Variants in RNLS observed in about 807,000 individuals in gnomAD.
The protein encoded by RNLS is renalase.
RNLS carries 39 observed loss-of-function variants against 39.8 expected under a neutral mutation model. That is an observed-to-expected ratio of 0.98 (90% CI 0.76 to 1.28). The LOEUF (loss-of-function observed/expected upper bound fraction) is 1.28. Ranked by LOEUF, RNLS falls within the 50% of genes most tolerant of loss-of-function variation. The pLI is 0.00. For missense variants in RNLS, 410 were observed against 413.3 expected (o/e 0.99, Z 0.07); for synonymous variants, 147 against 150.7 (o/e 0.98, Z 0.18).
chr10:88,448,402 C>G (rs1021143730), intron 4 of RNLS, among the ~76,000 whole-genome samples: 1 of 152,094 alleles, frequency 6.6e-6, no homozygotes, highest in Non-Finnish European at 1.5e-5. Context: ...TGAAAAAATG[C>G]TCATCATCAC....
chr10:88,206,108 C>T, the RNLS span, among the ~76,000 whole-genome samples: 1 of 152,176 alleles, frequency 6.6e-6, no homozygotes, highest in African/African-American at 2.4e-5. Context: ...GCAGTGGTTT[C>T]AGAGGTTTAG....
chr10:88,336,688 T>C (rs1019582279), intron 5 of RNLS, among the ~76,000 whole-genome samples: 2 of 152,196 alleles, frequency 1.3e-5, no homozygotes, highest in African/African-American at 2.4e-5. Flanking sequence ...AAGTAAATGA[T>C]AGCATTCACC....
At chr10:88,407,321 A>T (rs1381445673) in intron 4 of RNLS, among the ~76,000 whole-genome samples, 1 of 152,028 alleles carries the variant, frequency 6.6e-6, no homozygotes, top group African/African-American at 2.4e-5. Flanking sequence ...CTCATGAAAA[A>T]AATGCAACAT....
At chr10:88,497,816 GAC>G (rs1054075485) in intron 4 of RNLS, among the ~76,000 whole-genome samples, 4 of 151,876 alleles carry the variant, frequency 2.6e-5, no homozygotes, top group African/African-American at 4.8e-5. Context: ...AGGAGGAAGA[GAC>G]ACAACAACAC....
chr10:88,416,900 A>C (rs895626005), intron 4 of RNLS, among the ~76,000 whole-genome samples: 2 of 152,196 alleles, frequency 1.3e-5, no homozygotes, highest in African/African-American at 4.8e-5. Context: ...CTTCCCACTT[A>C]ACATCTGGAG....
At chr10:88,178,907 C>T in the RNLS span, among the ~76,000 whole-genome samples, 2 of 152,156 alleles carry the variant, frequency 1.3e-5, no homozygotes, top group Non-Finnish European at 2.9e-5. Context: ...AAAGCCACTA[C>T]TCTTCAAGGT....
chr10:88,304,584 AG>A (rs1213801193), intron 6 of RNLS, among the ~76,000 whole-genome samples: 1 of 152,246 alleles, frequency 6.6e-6, no homozygotes, highest in African/African-American at 2.4e-5. Flanking sequence ...AGTGGAGGAA[AG>A]AATCTCGGCG....
At chr10:88,289,564 A>G (rs1589465993) in intron 6 of RNLS, among the ~76,000 whole-genome samples, 1 of 152,110 alleles carries the variant, frequency 6.6e-6, no homozygotes, top group Non-Finnish European at 1.5e-5. Flanking sequence ...ATTACTTGCT[A>G]TTTTGCACTG....
the RNLS span, among the ~76,000 whole-genome samples, chr10:88,181,342 C>T: frequency 5.9e-5 from 9 of 152,198 alleles, no homozygotes; most frequent in South Asian, 4.1e-4. Context: ...CTACAACCTC[C>T]GCTATGGAAT....
At chr10:88,334,263 A>G (rs1367170843) in intron 5 of RNLS, among the ~76,000 whole-genome samples, 1 of 152,222 alleles carries the variant, frequency 6.6e-6, no homozygotes, top group Non-Finnish European at 1.5e-5. Context: ...AGTTTAAAAC[A>G]TATCTTATTT....
chr10:88,495,142 C>T (rs1033010742), intron 4 of RNLS, among the ~76,000 whole-genome samples: 1 of 152,138 alleles, frequency 6.6e-6, no homozygotes, highest in African/African-American at 2.4e-5. Context: ...ATATGTTAAA[C>T]ATCCCACTCT....
At chr10:88,503,670 ATGT>A (rs1325681588) in intron 4 of RNLS, among the ~76,000 whole-genome samples, 8 of 152,170 alleles carry the variant, frequency 5.3e-5, no homozygotes, top group Non-Finnish European at 1.0e-4. Context: ...CATAGAACAA[ATGT>A]TGTGAGCTTG....
chr10:88,203,372 A>ATATATATATATACACGTATGTG, the RNLS span, among the ~76,000 whole-genome samples: 2 of 1,652 alleles, frequency 1.2e-3, 1 homozygote, highest in African/African-American at 6.0e-3. Context: ...GTGTGTGTAT[A>ATATATATATATACACGTATGTG]TATATATATA....
At chr10:88,298,767 C>T (rs1267855514) in intron 6 of RNLS, among the ~76,000 whole-genome samples, 4 of 152,044 alleles carry the variant, frequency 2.6e-5, no homozygotes, top group Admixed American at 6.6e-5. Flanking sequence ...ACGTGTGAGT[C>T]CTCTAACTTT....
chr10:88,462,441 C>T (rs1210836110), intron 4 of RNLS, among the ~76,000 whole-genome samples: 3 of 151,984 alleles, frequency 2.0e-5, no homozygotes, highest in Admixed American at 6.6e-5. Flanking sequence ...ATCAACTCTT[C>T]TATGTTGATT....
the RNLS span, among the ~76,000 whole-genome samples, chr10:88,222,589 A>C: frequency 6.6e-6 from 1 of 152,124 alleles, no homozygotes; most frequent in African/African-American, 2.4e-5. Context: ...GACCTCCCGG[A>C]ATATTGCTTT....
the RNLS span, among the ~76,000 whole-genome samples, chr10:88,257,259 G>C: frequency 6.6e-6 from 1 of 152,214 alleles, no homozygotes; most frequent in African/African-American, 2.4e-5. Context: ...TGTGATGTGA[G>C]TGTAAGTTAA....
chr10:88,581,284 G>GTA (rs911848105), intron 3 of RNLS, among the ~76,000 whole-genome samples: 1 of 117,664 alleles, frequency 8.5e-6, no homozygotes, highest in African/African-American at 3.5e-5. Context: ...ATATGTATGT[G>GTA]TGTGTGTGTG....
Position 88,432,896 on chromosome 10 carries a change from C to T in RNLS, c.527-70171G>A, listed in dbSNP as rs1266396804. ...AAATTCAATCATAGCTACTGCAGAG[C>T]TGAAGTGAGATTTTTTTCAACTAGC... On this transcript the variant is annotated intron_variant, in intron 4 of 6. Coordinates refer to ENST00000331772, the MANE Select transcript of RNLS (RefSeq NM_001031709.3). Among the ~76,000 whole-genome samples the T allele has an allele frequency of 2.0e-5, 3 of 151,910 alleles. No homozygotes were observed. In the East Asian group the frequency reaches 5.8e-4, roughly 29 times the overall value.
Sources: gnomAD v4.1 joint callset for allele counts (sites outside exome capture counted in the v4.1 genomes callset) on GRCh38, gnomAD v4.1.1 for gene constraint, MANE v1.5 for transcripts, NCBI Gene and HGNC (gene_info 2026-07-23, HGNC 2026-07-21) for gene names.